PIWIL4: variants seen among roughly 807,000 people sequenced by gnomAD.
PIWIL4 encodes piwi like RNA-mediated gene silencing 4.
In PIWIL4, 50 loss-of-function variants were observed where a neutral mutation model predicts 100.9. The observed-to-expected ratio is 0.50, with a 90% CI of 0.39 to 0.63. PIWIL4 has a LOEUF of 0.63. Among genes scored for constraint, PIWIL4 ranks in the 20% least tolerant of loss-of-function variants. The probability of loss-of-function intolerance (pLI) is 0.00; values close to 1 mark genes in which losing one functional copy is unlikely to be tolerated. For missense variants in PIWIL4, 887 were observed against 1,043.3 expected, an observed-to-expected ratio of 0.85 and a Z score of 2.06; for synonymous variants, 342 against 367.5, an observed-to-expected ratio of 0.93 and a Z score of 0.79.
intron 2 of PIWIL4, among the ~76,000 whole-genome samples, chr11:94,571,928 C>T (rs190020554): frequency 2.0e-5 from 3 of 152,136 alleles, no homozygotes; most frequent in African/African-American, 4.8e-5. Context: ...CCTATATTTC[C>T]CCACATCCTC....
chr11:94,613,636 CCTTTT>C, intron 15 of PIWIL4, among the ~76,000 whole-genome samples: 2 of 152,288 alleles, frequency 1.3e-5, no homozygotes, highest in South Asian at 4.1e-4. Flanking sequence ...TTTCTTCCAT[CCTTTT>C]ATTTTTTCTC....
intron 8 of PIWIL4, among the ~76,000 whole-genome samples, chr11:94,589,896 T>C (rs574484253): frequency 6.6e-6 from 1 of 152,284 alleles, no homozygotes; most frequent in South Asian, 2.1e-4. Context: ...TTCCCAGGAC[T>C]AGCTCAGTGC....
chr11:94,616,616 T>G (rs1948850436), intron 16 of PIWIL4, 53 bp downstream of exon 16: 4 of 1,409,396 alleles, frequency 2.8e-6, no homozygotes, highest in Non-Finnish European at 3.0e-6. Flanking sequence ...CCTTCAGACC[T>G]CAAATCCACA....
chr11:94,617,319 C>T (rs1178135289), intron 16 of PIWIL4, among the ~76,000 whole-genome samples: 2 of 151,512 alleles, frequency 1.3e-5, no homozygotes, highest in African/African-American at 2.4e-5. Context: ...ATATTCCCCT[C>T]ACATCGAAAC....
At chr11:94,605,557 A>T (rs1948705193) in intron 13 of PIWIL4, among the ~76,000 whole-genome samples, 1 of 152,188 alleles carries the variant, frequency 6.6e-6, no homozygotes, top group South Asian at 2.1e-4. Flanking sequence ...ACATATGTAG[A>T]TATTTTGAGA....
intron 16 of PIWIL4, 182 bp from the exon 17 acceptor site, chr11:94,617,772 G>C: frequency 1.8e-6 from 1 of 570,534 alleles, no homozygotes; most frequent in Non-Finnish European, 3.1e-6. Flanking sequence ...AGCAGAGACA[G>C]AGGAATGCTC....
rs1948846535 is a variant in PIWIL4 at position 94,616,376 on chromosome 11, A to G, written c.1944-117A>G. On this transcript the variant is annotated intron_variant, in intron 15 of 19. Transcript: ENST00000299001. ...ATAATTGTGAACACATAACACATAC[A>G]AAATTGCGAACATTGATTTTTACTC... The G allele has an allele frequency of 5.6e-6, 5 of 895,538 alleles. No homozygotes were observed. The South Asian group carries it at 8.0e-5, about 14-fold the overall frequency. 55.5% of individuals were successfully genotyped at this position (895,538 alleles called of 1,614,324 possible). A position where few individuals can be genotyped will look rare whatever the true frequency, so the allele number is the denominator to read the frequency against.
rs572571015 is a variant in PIWIL4, at chr11:94,581,091, G to A, written c.514-2357G>A. 6.5e-4 allele frequency among the ~76,000 whole-genome samples: 98 copies of A among 151,786 alleles called. 1 individual carries two copies. Among genetic ancestry groups the A allele is most frequent in the Non-Finnish European group, 1.2e-3 (84 of 67,976 alleles). ...ATTTTTGTATTTTTAGTAGAGACGC[G>A]GTTTCACCACATTGGGCAGGCTGGG... is the stretch of plus-strand genomic sequence containing the variant. On this transcript the variant is annotated intron_variant, in intron 4 of 19. Coordinates refer to ENST00000299001, the MANE Select transcript of PIWIL4 (RefSeq NM_152431.3).
intron 2 of PIWIL4, among the ~76,000 whole-genome samples, chr11:94,573,124 T>C (rs973771589): frequency 6.6e-6 from 1 of 152,236 alleles, no homozygotes; most frequent in Non-Finnish European, 1.5e-5. Context: ...CTTGTGATTT[T>C]TGCACATTGA....
Position 94,619,997 on chromosome 11 carries a change from G to A in PIWIL4, c.2295G>A (p.Trp765Ter). 1 of 1,614,000 alleles carries A rather than the reference G, an allele frequency of 6.2e-7. No homozygotes were observed. The highest frequency in any genetic ancestry group is 8.5e-7 in the Non-Finnish European group (1 of 1,179,992). ...ACATTCATTCCATTTTCCCCCTCAG[G>A]TATGACTTTTATCTGATCAGCCAGG... ...VVDSEATRNE[W>*]YDFYLISQVA... Residue 765 changes from tryptophan (W) to a stop codon, truncating the protein, a stop_gained and splice_region_variant, in exon 19 of 20, where the codon TGG becomes TGA. Transcript: ENST00000299001. LOFTEE classifies it high-confidence loss of function.
intron 3 of PIWIL4, among the ~76,000 whole-genome samples, chr11:94,576,815 T>C (rs1487624500): frequency 3.9e-5 from 6 of 152,228 alleles, no homozygotes; most frequent in Non-Finnish European, 8.8e-5. Flanking sequence ...TTCAGAATTT[T>C]CAGAAATATG....
chr11:94,599,836 G>A (rs940613103), intron 11 of PIWIL4, among the ~76,000 whole-genome samples: 2 of 152,104 alleles, frequency 1.3e-5, no homozygotes, highest in African/African-American at 4.8e-5. Context: ...AGAGGATTGG[G>A]ATGTTTCTTA....
intron 4 of PIWIL4, among the ~76,000 whole-genome samples, chr11:94,579,723 C>T (rs565880230): frequency 6.6e-6 from 1 of 152,248 alleles, no homozygotes; most frequent in South Asian, 2.1e-4. Flanking sequence ...AATTTAATGG[C>T]TTAGAAAATC....
rs372072342 is a variant in PIWIL4 at position 94,577,273 on chromosome 11, T to C, written c.299-5T>C. The stretch of plus-strand genomic sequence containing the variant: ...AAAAAATTGTTTTTTGTTTGTCTTC[T>C]TCAGGTTCCAGTGGAATACCTGTGA... On this transcript the variant is annotated splice_polypyrimidine_tract_variant and splice_region_variant and intron_variant, in intron 3 of 19. Coordinates refer to ENST00000299001, the MANE Select transcript of PIWIL4 (RefSeq NM_152431.3). 6.2e-7 allele frequency: 1 copy of C among 1,606,518 alleles called. No individual in the cohort carries two copies. Among genetic ancestry groups the C allele is most frequent in the South Asian group, 1.1e-5 (1 of 90,288 alleles).
chr11:94,580,126 G>T (rs771249631), intron 4 of PIWIL4, among the ~76,000 whole-genome samples: 5 of 152,150 alleles, frequency 3.3e-5, no homozygotes, highest in South Asian at 2.1e-4. Context: ...TGAGAAAATA[G>T]ACCATAAAAA....
chr11:94,583,331 T>C (rs2135253417), intron 4 of PIWIL4, 117 bp from the exon 5 acceptor site: 1 of 1,140,042 alleles, frequency 8.8e-7, no homozygotes, highest in East Asian at 2.4e-5. Flanking sequence ...TTACTCATAC[T>C]AACACCTGCA....
chr11:94,605,893 G>A (rs1261172454), intron 13 of PIWIL4, among the ~76,000 whole-genome samples: 1 of 152,078 alleles, frequency 6.6e-6, no homozygotes, highest in East Asian at 1.9e-4. Context: ...TTTTTCATGT[G>A]TCTCCATCTT....
intron 14 of PIWIL4, 177 bp from the exon 15 acceptor site, chr11:94,608,406 T>G (rs1334611849): frequency 1.7e-6 from 1 of 573,824 alleles, no homozygotes; most frequent in Non-Finnish European, 3.1e-6. Context: ...CTGCCTTCTT[T>G]AAGTCTCTCT....
chr11:94,583,775 C>A (rs1948359372), intron 5 of PIWIL4, among the ~76,000 whole-genome samples: 1 of 152,166 alleles, frequency 6.6e-6, no homozygotes, highest in East Asian at 1.9e-4. Context: ...CTGTTAATAT[C>A]CAGTATTGTC....
Sources: gnomAD v4.1 joint callset for allele counts (sites outside exome capture counted in the v4.1 genomes callset) on GRCh38, gnomAD v4.1.1 for gene constraint, MANE v1.5 for transcripts, NCBI Gene and HGNC (gene_info 2026-07-23, HGNC 2026-07-21) for gene names.